PTK2: variants seen among roughly 807,000 people sequenced by gnomAD.
The protein encoded by PTK2 is protein tyrosine kinase 2, also known as focal adhesion kinase 1.
In PTK2, 45 loss-of-function variants were observed where a neutral mutation model predicts 150.1. The ratio of observed to expected loss-of-function variants is 0.30; its 90% CI spans 0.24 to 0.38. The LOEUF is 0.38. Among genes scored for constraint, PTK2 ranks in the 10% least tolerant of loss-of-function variants. The probability of loss-of-function intolerance (pLI) is 1.00; values close to 1 mark genes in which losing one functional copy is unlikely to be tolerated. For synonymous variants in PTK2, 432 were observed against 449.2 expected (o/e 0.96, Z 0.48); for missense variants, 919 against 1,307.3 (o/e 0.70, Z 4.58).
intron 26 of PTK2, among the ~76,000 whole-genome samples, chr8:140,692,194 T>C (rs1029194566): frequency 5.9e-5 from 9 of 152,250 alleles, no homozygotes; most frequent in African/African-American, 2.2e-4. Flanking sequence ...TAAAATCTAC[T>C]TGTGTTCTGT....
intron 2 of PTK2, among the ~76,000 whole-genome samples, chr8:140,924,550 C>G (rs1414891523): frequency 6.6e-6 from 1 of 152,142 alleles, no homozygotes; most frequent in East Asian, 1.9e-4. Flanking sequence ...AATTTGTTTT[C>G]TTTTCAAGGC....
At chr8:140,666,779 A>C (rs999734120) in intron 30 of PTK2, among the ~76,000 whole-genome samples, 1 of 152,234 alleles carries the variant, frequency 6.6e-6, no homozygotes, top group Non-Finnish European at 1.5e-5. Flanking sequence ...TACACTCAAA[A>C]GAAGTGAAAG....
chr8:140,795,598 T>G (rs1389884224), intron 12 of PTK2, among the ~76,000 whole-genome samples: 1 of 152,206 alleles, frequency 6.6e-6, no homozygotes, highest in East Asian at 1.9e-4. Flanking sequence ...CAGTATTTAT[T>G]TTCTCTATTA....
At position 141,000,087 on chromosome 8, in the gene PTK2, T is replaced by TCTCACACACA. The variant is rs765058833; in HGVS notation, c.-122+1037_-122+1038insTGTGTGTGAG. 1.7e-4 allele frequency among the ~76,000 whole-genome samples: 14 copies of TCTCACACACA among 81,646 alleles called. No homozygotes were observed. The South Asian group carries it at 3.5e-3, about 20-fold the overall frequency. The allele number at this position is 81,646 out of a possible 152,430, so 53.6% of individuals were successfully genotyped here. ...AATTCTGCAATTAAATGAAACCAAT[T>TCTCACACACA]CACACACACACACACACACACACAC... On this transcript the variant is annotated intron_variant, in intron 1 of 31. Transcript: ENST00000522684.
At chr8:140,917,703 A>G (rs1027017038) in intron 2 of PTK2, among the ~76,000 whole-genome samples, 1 of 152,236 alleles carries the variant, frequency 6.6e-6, no homozygotes, top group African/African-American at 2.4e-5. Flanking sequence ...CATTAAAGTA[A>G]TAATCATTTA....
intron 2 of PTK2, 88 bp from the exon 3 acceptor site, chr8:140,890,857 T>C (rs1249204525): frequency 5.4e-6 from 6 of 1,121,214 alleles, no homozygotes; most frequent in Admixed American, 2.0e-5. Context: ...AAATGTCCTA[T>C]ACTCTCTCTT....
At chr8:140,988,251 T>C (rs549433742) in intron 1 of PTK2, among the ~76,000 whole-genome samples, 6 of 152,316 alleles carry the variant, frequency 3.9e-5, no homozygotes, top group Admixed American at 2.0e-4. Flanking sequence ...AGAATTATTT[T>C]AGAAGTTGAC....
At chr8:140,668,224 G>C in intron 30 of PTK2, 45 bp downstream of exon 34, 2 of 1,610,010 alleles carry the variant, frequency 1.2e-6, no homozygotes, top group Non-Finnish European at 8.5e-7. Flanking sequence ...CAGCTTACAG[G>C]AAACAAGAAC....
chr8:140,892,023 T>C (rs1439895956), intron 2 of PTK2, among the ~76,000 whole-genome samples: 1 of 151,962 alleles, frequency 6.6e-6, no homozygotes, highest in Non-Finnish European at 1.5e-5. Context: ...CTGGGCAACA[T>C]GACAAGACCT....
intron 10 of PTK2, among the ~76,000 whole-genome samples, chr8:140,805,332 G>A (rs1001494027): frequency 1.5e-4 from 23 of 152,028 alleles, no homozygotes; most frequent in African/African-American, 4.8e-4. Flanking sequence ...AGGATGAGGC[G>A]GGTGGATCAC....
chr8:140,969,197 C>T (rs1569521383), intron 1 of PTK2, among the ~76,000 whole-genome samples: 1 of 152,088 alleles, frequency 6.6e-6, no homozygotes, highest in Non-Finnish European at 1.5e-5. Context: ...AGAGTCTCCT[C>T]CTAACATAAC....
At chr8:140,924,067 G>A (rs1489537187) in intron 2 of PTK2, among the ~76,000 whole-genome samples, 5 of 152,100 alleles carry the variant, frequency 3.3e-5, no homozygotes, top group East Asian at 3.9e-4. Flanking sequence ...CTGTAAGGCC[G>A]TGCGTGATAT....
intron 29 of PTK2, 184 bp from the exon 33 acceptor site, chr8:140,669,919 G>A: frequency 1.5e-6 from 1 of 657,546 alleles, no homozygotes; most frequent in Non-Finnish European, 2.6e-6. Flanking sequence ...TGTGGCTACT[G>A]TGCCACCTGC....
intron 1 of PTK2, among the ~76,000 whole-genome samples, chr8:140,926,803 G>A (rs1209641180): frequency 6.6e-6 from 1 of 152,148 alleles, no homozygotes; most frequent in East Asian, 1.9e-4. Context: ...AATAAAATGT[G>A]TATTCTCAAG....
At chr8:140,861,639 T>C (rs1318592617) in intron 5 of PTK2, among the ~76,000 whole-genome samples, 3 of 152,244 alleles carry the variant, frequency 2.0e-5, no homozygotes, top group Admixed American at 6.5e-5. Context: ...TGGGCAATTA[T>C]ATGGCAGACA....
chr8:140,836,741 A>C (rs1224518246), intron 7 of PTK2, among the ~76,000 whole-genome samples: 1 of 152,216 alleles, frequency 6.6e-6, no homozygotes, highest in African/African-American at 2.4e-5. Flanking sequence ...GATACTATAT[A>C]ATGTGTGGGG....
intron 21 of PTK2, 113 bp downstream of exon 24, chr8:140,738,905 G>A: frequency 3.6e-6 from 2 of 554,000 alleles, no homozygotes; most frequent in Non-Finnish European, 5.8e-6. Flanking sequence ...ATGAGGAGAT[G>A]ATCAGGTTAG....
chr8:140,687,194 C>CA (rs535191805), intron 26 of PTK2: 70 of 159,446 alleles, frequency 4.4e-4, no homozygotes, highest in Non-Finnish European at 6.3e-4. Context: ...GAAATTTCAC[C>CA]AATATCAGAA....
At chr8:140,834,342 C>G (rs2100117389) in intron 7 of PTK2, among the ~76,000 whole-genome samples, 1 of 152,252 alleles carries the variant, frequency 6.6e-6, no homozygotes, top group South Asian at 2.1e-4. Flanking sequence ...GGTATAGAGG[C>G]ATGAGGAGAG....
Sources: gnomAD v4.1 joint callset for allele counts (sites outside exome capture counted in the v4.1 genomes callset) on GRCh38, gnomAD v4.1.1 for gene constraint, MANE v1.5 for transcripts, NCBI Gene and HGNC (gene_info 2026-07-23, HGNC 2026-07-21) for gene names.